CMIP: variants seen among roughly 807,000 people sequenced by gnomAD.
CMIP encodes the protein C-Maf-inducing protein.
In CMIP, 13 loss-of-function variants were observed where a neutral mutation model predicts 97.3. The ratio of observed to expected loss-of-function variants is 0.13; its 90% confidence interval spans 0.09 to 0.21. The LOEUF is 0.21. CMIP is among the 10% of genes least tolerant of loss of function. CMIP has a pLI of 1.00. For missense variants in CMIP, 847 were observed against 1,024.9 expected (o/e 0.83, Z 2.37); for synonymous variants, 538 against 436.3 (o/e 1.23, Z -2.91).
chr16:81,500,144 G>C (rs1190871255), intron 1 of CMIP, among the ~76,000 whole-genome samples: 1 of 151,772 alleles, frequency 6.6e-6, no homozygotes, highest in African/African-American at 2.4e-5. Flanking sequence ...GCGACTTTTA[G>C]AGCTGGTGCG....
At chr16:81,571,455 G>A (rs1269760020) in intron 1 of CMIP, among the ~76,000 whole-genome samples, 1 of 151,726 alleles carries the variant, frequency 6.6e-6, no homozygotes. Flanking sequence ...ATAATAGAGT[G>A]AGACCCTATG....
At chr16:81,539,925 G>C (rs1402262164) in intron 1 of CMIP, among the ~76,000 whole-genome samples, 3 of 152,190 alleles carry the variant, frequency 2.0e-5, no homozygotes, top group Non-Finnish European at 4.4e-5. Context: ...TACGTGCTCC[G>C]TGTGTACAAC....
chr16:81,685,368 G>A (rs565798287), intron 10 of CMIP, among the ~76,000 whole-genome samples: 1 of 152,166 alleles, frequency 6.6e-6, no homozygotes, highest in African/African-American at 2.4e-5. Context: ...CCACGCTCAC[G>A]GTTCACAGAA....
At chr16:81,576,206 C>G (rs979759145) in intron 1 of CMIP, among the ~76,000 whole-genome samples, 1 of 152,170 alleles carries the variant, frequency 6.6e-6, no homozygotes, top group Non-Finnish European at 1.5e-5. Flanking sequence ...GAGTTCGAGA[C>G]TACCCTGGCC....
chr16:81,599,253 ACC>A (rs2091617843), intron 1 of CMIP, among the ~76,000 whole-genome samples: 1 of 152,002 alleles, frequency 6.6e-6, no homozygotes, highest in Non-Finnish European at 1.5e-5. Context: ...AGGTCATATT[ACC>A]TGAGGGAAAC....
At chr16:81,586,540 C>T (rs377639987) in intron 1 of CMIP, among the ~76,000 whole-genome samples, 12 of 152,198 alleles carry the variant, frequency 7.9e-5, no homozygotes, top group Middle Eastern at 3.4e-3. Flanking sequence ...CTCAGTGATC[C>T]GGTGTAACTC....
chr16:81,651,345 G>A (rs142558605), intron 3 of CMIP: 14 of 795,540 alleles, frequency 1.8e-5, no homozygotes, highest in East Asian at 1.3e-4. Context: ...TCAGAGAGGC[G>A]GAACTAACTC....
intron 13 of CMIP, among the ~76,000 whole-genome samples, chr16:81,694,893 G>C (rs888292699): frequency 2.6e-5 from 4 of 152,184 alleles, no homozygotes; most frequent in African/African-American, 9.7e-5. Context: ...CGGTGGATAT[G>C]GTGCTTTTAA....
At chr16:81,612,471 G>A (rs918593553) in intron 2 of CMIP, among the ~76,000 whole-genome samples, 13 of 152,164 alleles carry the variant, frequency 8.5e-5, no homozygotes, top group African/African-American at 2.9e-4. Flanking sequence ...TAGCAAGCAG[G>A]ACTTTTCCGG....
intron 1 of CMIP, among the ~76,000 whole-genome samples, chr16:81,465,825 G>A (rs556652890): frequency 7.9e-5 from 12 of 152,288 alleles, no homozygotes; most frequent in South Asian, 6.2e-4. Flanking sequence ...GAGTTCCCTC[G>A]CTCCAGACCT....
intron 1 of CMIP, among the ~76,000 whole-genome samples, chr16:81,457,552 C>T (rs1351778465): frequency 6.6e-6 from 1 of 152,196 alleles, no homozygotes; most frequent in African/African-American, 2.4e-5. Flanking sequence ...CCACTGCTCC[C>T]CACAGTTGTA....
intron 3 of CMIP, among the ~76,000 whole-genome samples, chr16:81,625,408 C>G (rs541073841): frequency 2.0e-5 from 3 of 152,388 alleles, no homozygotes; most frequent in East Asian, 3.9e-4. Flanking sequence ...ATTTCTGACT[C>G]AGATGTACCT....
intron 3 of CMIP, among the ~76,000 whole-genome samples, chr16:81,626,316 G>A (rs2092062080): frequency 6.6e-6 from 1 of 151,280 alleles, no homozygotes; most frequent in South Asian, 2.1e-4. Context: ...TTATGAGTGT[G>A]GTGAGGTGAC....
rs545664237 is a variant in CMIP, at chr16:81,500,837, CCCTT to C, written c.300+55302_300+55305del. 4.5e-3 allele frequency among the ~76,000 whole-genome samples: 689 copies of C among 152,270 alleles called. 3 individuals carry two copies. Among genetic ancestry groups the C allele is most frequent in the Non-Finnish European group, 7.0e-3 (479 of 68,028 alleles). On this transcript the variant is annotated intron_variant, in intron 1 of 20. Coordinates refer to ENST00000537098, the MANE Select transcript of CMIP (RefSeq NM_198390.3). ...CCTCTCTGTCCTTCCCTTCCTCCCT[CCCTT>C]CCTTCTTTCTTTCCTTCCTTCTTTG...
intron 1 of CMIP, among the ~76,000 whole-genome samples, chr16:81,536,679 A>G (rs999985073): frequency 2.0e-5 from 3 of 152,094 alleles, no homozygotes; most frequent in African/African-American, 7.2e-5. Flanking sequence ...AGGCCGAGGG[A>G]CAACAGCACC....
At chr16:81,590,823 T>TCATCCATCCATCCATCCATC (rs79228744) in intron 1 of CMIP, among the ~76,000 whole-genome samples, 1 of 150,530 alleles carries the variant, frequency 6.6e-6, no homozygotes, top group Non-Finnish European at 1.5e-5. Context: ...TCACTTTCTC[T>TCATCCATCCATCCATCCATC]CATCCATCCA....
chr16:81,591,826 C>T (rs2091470891), intron 1 of CMIP, among the ~76,000 whole-genome samples: 1 of 146,810 alleles, frequency 6.8e-6, no homozygotes, highest in Admixed American at 6.7e-5. Context: ...TTCTTTCTTT[C>T]TTTCTTTTTT....
At chr16:81,505,730 C>A (rs2089697068) in intron 1 of CMIP, among the ~76,000 whole-genome samples, 1 of 152,198 alleles carries the variant, frequency 6.6e-6, no homozygotes, top group African/African-American at 2.4e-5. Flanking sequence ...GTGGCTCATG[C>A]CTGTAATCCC....
At chr16:81,478,375 G>C (rs1317041614) in intron 1 of CMIP, among the ~76,000 whole-genome samples, 1 of 152,206 alleles carries the variant, frequency 6.6e-6, no homozygotes, top group Non-Finnish European at 1.5e-5. Context: ...GGAAGGGGTT[G>C]TAGGGCCGAG....
Sources: gnomAD v4.1 joint callset for allele counts (sites outside exome capture counted in the v4.1 genomes callset) on GRCh38, gnomAD v4.1.1 for gene constraint, MANE v1.5 for transcripts, NCBI Gene and HGNC (gene_info 2026-07-23, HGNC 2026-07-21) for gene names.